Variants in ZNF606 observed in about 807,000 individuals in gnomAD.
ZNF606 encodes zinc finger protein 328.
ZNF606 carries 37 observed loss-of-function variants against 74.9 expected under a neutral mutation model. The ratio of observed to expected loss-of-function variants is 0.49; its 90% CI spans 0.38 to 0.65. The LOEUF is 0.65. ZNF606 is among the 30% of genes least tolerant of loss of function. The pLI, the probability that ZNF606 is intolerant of heterozygous loss-of-function variation, is 0.00. For missense variants in ZNF606, 852 were observed against 952.9 expected, an observed-to-expected ratio of 0.89 and a Z score of 1.39; for synonymous variants, 328 against 312.4, an observed-to-expected ratio of 1.05 and a Z score of -0.53.
chr19:58,001,626 A>G (rs1301913251), intron 1 of ZNF606, among the ~76,000 whole-genome samples: 1 of 152,264 alleles, frequency 6.6e-6, no homozygotes, highest in Non-Finnish European at 1.5e-5. Context: ...ACAGCCAGTC[A>G]CAACACAGAT....
At chr19:57,982,257 C>T (rs886654130) in intron 6 of ZNF606, among the ~76,000 whole-genome samples, 3 of 152,130 alleles carry the variant, frequency 2.0e-5, no homozygotes, top group Non-Finnish European at 4.4e-5. Flanking sequence ...CAGCTCCTTC[C>T]TCCATCTGCA....
intron 6 of ZNF606, 26 bp from the exon 7 acceptor site, chr19:57,980,305 G>A: frequency 1.3e-6 from 2 of 1,566,786 alleles, no homozygotes; most frequent in Non-Finnish European, 1.7e-6. Context: ...AAAAAGCTAT[G>A]AGAGCATAGA....
At chr19:58,000,219 A>G (rs1600229488) in intron 3 of ZNF606, 2 of 435,394 alleles carry the variant, frequency 4.6e-6, no homozygotes, top group Admixed American at 9.2e-5. Context: ...CTTACTGCTC[A>G]CTGGTTTTCT....
rs190208774 is a variant in ZNF606 at position 57,997,672 on chromosome 19, C to T, written c.177+2136G>A. 133 of 152,276 alleles carry T rather than the reference C, an allele frequency of 8.7e-4. 3 individuals carry two copies. The highest frequency in any genetic ancestry group is 3.2e-3 in the African/African-American group (131 of 41,554). The allele number at this position is 152,276 out of a possible 1,614,324, so 9.4% of individuals were successfully genotyped here. A position where few individuals can be genotyped will look rare whatever the true frequency, so the allele number is the denominator to read the frequency against. ...ATTAACTTAGATAATTCTCAGAAAG[C>T]CTAGCATAAATTAACAGCAGAGTGT... is the stretch of plus-strand genomic sequence containing the variant. On this transcript the variant is annotated intron_variant, in intron 4 of 6. Coordinates refer to ENST00000551380, the MANE Select transcript of ZNF606 (RefSeq NM_001348022.3).
At chr19:58,000,814 G>T in intron 2 of ZNF606, 75 bp from the exon 3 acceptor site, 1 of 1,404,404 alleles carries the variant, frequency 7.1e-7, no homozygotes, top group South Asian at 1.5e-5. Flanking sequence ...AGAGGAGGCT[G>T]ACTCGCTAAT....
At chr19:57,984,891 A>C (rs1326823276) in intron 6 of ZNF606, among the ~76,000 whole-genome samples, 1 of 152,102 alleles carries the variant, frequency 6.6e-6, no homozygotes, top group African/African-American at 2.4e-5. Context: ...TCAGGAGATC[A>C]AGACCATCCT....
intron 6 of ZNF606, among the ~76,000 whole-genome samples, chr19:57,985,897 G>A (rs1434756687): frequency 1.3e-5 from 2 of 152,038 alleles, no homozygotes; most frequent in Non-Finnish European, 2.9e-5. Flanking sequence ...TCGCGCCACT[G>A]CACTCCAGCC....
At chr19:57,980,574 G>A (rs1411072880) in intron 6 of ZNF606, among the ~76,000 whole-genome samples, 7 of 152,140 alleles carry the variant, frequency 4.6e-5, no homozygotes, top group Non-Finnish European at 8.8e-5. Context: ...AGGTGGCTAC[G>A]CCTGTAATCC....
chr19:57,990,211 A>G (rs905634666), intron 4 of ZNF606, among the ~76,000 whole-genome samples: 2 of 150,874 alleles, frequency 1.3e-5, no homozygotes, highest in Admixed American at 1.3e-4. Context: ...AAAAATACAA[A>G]AAAATTAGCC....
intron 6 of ZNF606, among the ~76,000 whole-genome samples, chr19:57,987,115 G>A (rs185809964): frequency 9.9e-5 from 15 of 151,968 alleles, no homozygotes; most frequent in South Asian, 2.1e-4. Context: ...TAATCCCCAG[G>A]GCAACTACCA....
At chr19:58,001,571 T>C (rs1276370726) in intron 1 of ZNF606, among the ~76,000 whole-genome samples, 3 of 152,290 alleles carry the variant, frequency 2.0e-5, no homozygotes, top group East Asian at 1.9e-4. Flanking sequence ...AAAAAGAGCA[T>C]GATCCTGAAT....
At chr19:57,991,599 A>G (rs1354219585) in intron 4 of ZNF606, among the ~76,000 whole-genome samples, 2 of 152,020 alleles carry the variant, frequency 1.3e-5, no homozygotes, top group Admixed American at 1.3e-4. Flanking sequence ...GGCCAAGATG[A>G]TGAAAACCCG....
rs79016018 is a variant in ZNF606 at position 58,001,109 on chromosome 19, A to C, written c.31+180T>G. ...TCTCAGGAGATGACTATAAAACATA[A>C]AAGTTAGTGTCTTTTATGCCAACAA... On this transcript the variant is annotated intron_variant, in intron 2 of 6. Coordinates refer to ENST00000551380, the MANE Select transcript of ZNF606 (RefSeq NM_001348022.3). 0.076 allele frequency: 52,477 copies of C among 693,552 alleles called. 2,464 individuals are homozygous for C. Among genetic ancestry groups the C allele is most frequent in the Middle Eastern group, 0.11 (263 of 2,412 alleles). 43.0% of individuals were successfully genotyped at this position (693,552 alleles called of 1,614,324 possible). A position where few individuals can be genotyped will look rare whatever the true frequency, so the allele number is the denominator to read the frequency against.
intron 1 of ZNF606, 162 bp downstream of exon 1, chr19:58,002,234 A>G: frequency 2.2e-6 from 1 of 456,808 alleles, no homozygotes; most frequent in South Asian, 1.5e-5. Context: ...GCTTTGTGTG[A>G]ACTGGCAGGG....
rs1236561242 is a variant in ZNF606 at position 57,988,800 on chromosome 19, C to T, written c.178-79G>A. 10 of 1,601,960 alleles carry T rather than the reference C, an allele frequency of 6.2e-6. No individual in the cohort carries two copies. In the East Asian group the frequency reaches 2.2e-4, roughly 36 times the overall value. The stretch of plus-strand genomic sequence containing the variant: ...CCAGGGATGGAGTGAGGCTGACAGC[C>T]CTGGGGAGAGAAGACAGGATGTAGA... On this transcript the variant is annotated intron_variant, in intron 4 of 6. Coordinates refer to ENST00000551380, the MANE Select transcript of ZNF606 (RefSeq NM_001348022.3).
rs754422555 is a variant in ZNF606, at chr19:57,979,069, C to T, written c.1611G>A (p.Glu537=). The stretch of plus-strand genomic sequence containing the variant: ...CACATTCATCACATTTAAAGGGTTT[C>T]TCTCCAGTATGCATTCTCATATGGG... ...LIAHMRMHTG[E]KPFKCDECEK... is the part of the protein sequence containing the mutation. Residue 537 remains glutamate (E), a synonymous_variant, in exon 7 of 7, where the codon GAG becomes GAA. Coordinates refer to ENST00000551380, the MANE Select transcript of ZNF606 (RefSeq NM_001348022.3). 1 of 1,614,048 alleles carries T rather than the reference C, an allele frequency of 6.2e-7. No homozygotes were observed. The highest frequency in any genetic ancestry group is 1.7e-5 in the Admixed American group (1 of 60,008).
intron 6 of ZNF606, among the ~76,000 whole-genome samples, chr19:57,980,640 C>G (rs966530803): frequency 3.9e-5 from 6 of 152,168 alleles, no homozygotes; most frequent in Non-Finnish European, 7.4e-5. Flanking sequence ...TCAAGACCAT[C>G]CTGGCTAACA....
At position 58,000,664 on chromosome 19, in the gene ZNF606, G is replaced by C; in HGVS notation, c.88+19C>G. The C allele has an allele frequency of 1.2e-6, 2 of 1,613,776 alleles. No individual in the cohort carries two copies. Among genetic ancestry groups the C allele is most frequent in the Non-Finnish European group, 1.7e-6 (2 of 1,179,864 alleles). On this transcript the variant is annotated intron_variant, in intron 3 of 6. Coordinates refer to ENST00000551380, the MANE Select transcript of ZNF606 (RefSeq NM_001348022.3). Reference sequence around the variant, plus strand: ...GGCCACAATATGGCAGCCCACAGCTGACCAGGCTCTTGACTCACCCCAGGA... The same window carrying C: ...GGCCACAATATGGCAGCCCACAGCTCACCAGGCTCTTGACTCACCCCAGGA...
chr19:58,003,224 T>A, upstream of ZNF606: 1 of 456,714 alleles, frequency 2.2e-6, no homozygotes, highest in South Asian at 1.5e-5. Context: ...AGGAACCTAA[T>A]TCGAGCTACC....
Sources: gnomAD v4.1 joint callset for allele counts (sites outside exome capture counted in the v4.1 genomes callset) on GRCh38, gnomAD v4.1.1 for gene constraint, MANE v1.5 for transcripts, NCBI Gene and HGNC (gene_info 2026-07-23, HGNC 2026-07-21) for gene names.